HEPHL1: variants seen among roughly 807,000 people sequenced by gnomAD.
HEPHL1 encodes the protein hephaestin like 1, also known as ferroxidase HEPHL1.
In HEPHL1, 123 loss-of-function variants were observed where a neutral mutation model predicts 122.0. The observed-to-expected ratio is 1.01, with a 90% CI of 0.87 to 1.17. The LOEUF is 1.17. HEPHL1 is among the 50% of genes most tolerant of loss of function. The pLI is 0.00. For synonymous variants in HEPHL1, 527 were observed against 508.9 expected (o/e 1.04, Z -0.48); for missense variants, 1,452 against 1,430.5 (o/e 1.01, Z -0.24).
In HEPHL1 at chr11:94,075,244, C is replaced by T. The variant is rs61746203; in HGVS notation, c.1575C>T (p.Ser525=). 7.4e-5 allele frequency: 119 copies of T among 1,613,308 alleles called. No homozygotes were observed. Among genetic ancestry groups the T allele is most frequent in the East Asian group, 8.9e-5 (4 of 44,874 alleles). The change falls in exon 9 of 20, where the codon AGC becomes AGT. Residue 525 remains serine (S), a synonymous_variant. Transcript: ENST00000315765. ...TFTYKWTVPE[S]VSPTAGDPPC... ...CATACAAGTGGACAGTGCCTGAGAG[C>T]GTAAGCCCAACTGCTGGTGATCCTC... is the stretch of plus-strand genomic sequence containing the variant.
At chr11:94,081,495 A>G (rs1946169870) in intron 9 of HEPHL1, among the ~76,000 whole-genome samples, 1 of 152,214 alleles carries the variant, frequency 6.6e-6, no homozygotes, top group African/African-American at 2.4e-5. Flanking sequence ...GGTCAGTTCT[A>G]AAGGAAAGCA....
chr11:94,091,943 C>A (rs1946266042), intron 12 of HEPHL1, among the ~76,000 whole-genome samples: 1 of 152,122 alleles, frequency 6.6e-6, no homozygotes, highest in African/African-American at 2.4e-5. Context: ...CAGGAGGTGG[C>A]AAAAGCAGAC....
rs1591464389 is a variant in HEPHL1 at position 94,039,386 on chromosome 11, A to G, written c.171-6287A>G. ...CCAAGCAGATCTAATTGACATCTAC[A>G]GAACTCTCCACCCCAAATCAACAGA... On this transcript the variant is annotated intron_variant, in intron 1 of 19. Transcript: ENST00000315765. 2.6e-5 allele frequency among the ~76,000 whole-genome samples: 4 copies of G among 152,336 alleles called. No individual in the cohort carries two copies. In the South Asian group the frequency reaches 6.2e-4, roughly 24 times the overall value.
chr11:94,079,796 G>A (rs188951311), intron 9 of HEPHL1, among the ~76,000 whole-genome samples: 4 of 152,276 alleles, frequency 2.6e-5, no homozygotes, highest in East Asian at 3.9e-4. Flanking sequence ...CATAAGGAGA[G>A]AGATATGGTC....
intron 12 of HEPHL1, 118 bp from the exon 13 acceptor site, chr11:94,093,383 C>T (rs1946277862): frequency 1.8e-6 from 2 of 1,111,108 alleles, no homozygotes; most frequent in African/African-American, 3.1e-5. Context: ...CCCCAGGGAG[C>T]ACTTGATCAC....
Position 94,073,011 on chromosome 11 carries a change from CTA to C in HEPHL1, c.1233-12_1233-11del, listed in dbSNP as rs535639562. On this transcript the variant is annotated splice_polypyrimidine_tract_variant and intron_variant, in intron 6 of 19. Coordinates refer to ENST00000315765, the MANE Select transcript of HEPHL1 (RefSeq NM_001098672.2). ...TTGAGAAGTGTCCTCAATCACATTC[CTA>C]TGTCTTTTCAGTGACTCTGATCTCT... 895 of 1,609,920 alleles carry C rather than the reference CTA, an allele frequency of 5.6e-4. 12 individuals carry two copies. The South Asian group carries it at 9.2e-3, about 17-fold the overall frequency.
At chr11:94,030,895 A>G (rs1945668785) in intron 1 of HEPHL1, among the ~76,000 whole-genome samples, 1 of 152,102 alleles carries the variant, frequency 6.6e-6, no homozygotes, top group African/African-American at 2.4e-5. Context: ...ACACAGTCCC[A>G]AGACTTCAGC....
intron 5 of HEPHL1, among the ~76,000 whole-genome samples, chr11:94,069,290 G>T (rs966554339): frequency 6.6e-6 from 1 of 151,998 alleles, no homozygotes; most frequent in African/African-American, 2.4e-5. Context: ...ATAATTGGAG[G>T]TTTTTTAACA....
At chr11:94,046,952 G>A (rs936107006) in intron 2 of HEPHL1, among the ~76,000 whole-genome samples, 10 of 152,170 alleles carry the variant, frequency 6.6e-5, no homozygotes, top group Non-Finnish European at 1.5e-4. Flanking sequence ...TCAAGGAGGA[G>A]TTTCTGGGCA....
At chr11:94,043,776 C>T (rs1162888180) in intron 1 of HEPHL1, among the ~76,000 whole-genome samples, 1 of 151,882 alleles carries the variant, frequency 6.6e-6, no homozygotes, top group Non-Finnish European at 1.5e-5. Flanking sequence ...AAGGAAACTT[C>T]CCCTGACTTA....
intron 4 of HEPHL1, 111 bp from the exon 5 acceptor site, chr11:94,067,385 C>T: frequency 1.0e-6 from 1 of 994,330 alleles, no homozygotes; most frequent in Non-Finnish European, 1.5e-6. Flanking sequence ...AACCTTACAA[C>T]CAATGGTCTG....
chr11:94,058,221 A>G (rs1203228960), intron 2 of HEPHL1, among the ~76,000 whole-genome samples: 1 of 152,210 alleles, frequency 6.6e-6, no homozygotes, highest in African/African-American at 2.4e-5. Context: ...GATGTTCAGC[A>G]GTTTCAAGCA....
Position 94,067,626 on chromosome 11 carries a change from C to A in HEPHL1, c.939C>A (p.Phe313Leu), listed in dbSNP as rs1414339475. The change falls in exon 5 of 20, where the codon TTC becomes TTA. Residue 313 changes from phenylalanine to leucine, a missense_variant. Phe to Leu is a conservative substitution (Grantham distance 22). Coordinates refer to ENST00000315765, the MANE Select transcript of HEPHL1 (RefSeq NM_001098672.2). ...IHSIYFYGNT[F>L]ISRGHRTDVV... ...CTATCTATTTCTATGGTAACACCTT[C>A]ATCAGCAGAGGGCATCGGACTGATG... is the stretch of plus-strand genomic sequence containing the variant. 6.2e-7 allele frequency: 1 copy of A among 1,613,816 alleles called. No homozygotes were observed. Among genetic ancestry groups the A allele is most frequent in the Non-Finnish European group, 8.5e-7 (1 of 1,179,748 alleles).
chr11:94,110,763 C>T (rs150567656), intron 17 of HEPHL1, 140 bp from the exon 18 acceptor site: 9,702 of 625,202 alleles, frequency 0.016, 113 homozygotes, highest in Non-Finnish European at 0.022. Flanking sequence ...CTCTATTGTA[C>T]TTCTATTCTT....
At chr11:94,089,284 A>G (rs80086358) in intron 12 of HEPHL1, among the ~76,000 whole-genome samples, 3,825 of 152,220 alleles carry the variant, frequency 0.025, 162 homozygotes, top group African/African-American at 0.088. Context: ...GGGAAGACAA[A>G]AAGGGCCAGA....
chr11:94,082,532 G>A lies in HEPHL1; in HGVS notation c.1831G>A (p.Glu611Lys). Residue 611 changes from glutamate (E) to lysine (K), a missense_variant, in exon 10 of 20, where the codon GAA becomes AAA. By Grantham distance (56) the Glu-to-Lys change is moderately conservative. Transcript: ENST00000315765. ...FIWHPFSIDK[E>K]DKEFVKSNRM... is the part of the protein sequence containing the mutation. ...CTGGCATCCCTTCAGCATTGACAAA[G>A]AAGATAAAGAGTTTGTGAAATCCAA... 1.9e-6 allele frequency: 3 copies of A among 1,612,868 alleles called. No homozygotes were observed. The highest frequency in any genetic ancestry group is 2.5e-6 in the Non-Finnish European group (3 of 1,179,518).
intron 3 of HEPHL1, among the ~76,000 whole-genome samples, chr11:94,063,946 T>C (rs1946010573): frequency 6.6e-6 from 1 of 152,228 alleles, no homozygotes; most frequent in Non-Finnish European, 1.5e-5. Context: ...TAAAAAATGA[T>C]ATTTCATAAC....
intron 2 of HEPHL1, among the ~76,000 whole-genome samples, chr11:94,051,538 T>TTATTAATCCCAGA (rs1945890455): frequency 1.3e-5 from 2 of 152,100 alleles, no homozygotes; most frequent in South Asian, 2.1e-4. Context: ...TATATTCTGG[T>TTATTAATCCCAGA]TATTAATCCC....
chr11:94,065,112 C>T (rs1404439406), intron 4 of HEPHL1, among the ~76,000 whole-genome samples: 1 of 152,198 alleles, frequency 6.6e-6, no homozygotes, highest in Admixed American at 6.5e-5. Flanking sequence ...GGGGCACTTA[C>T]TCATGCCTGT....
Sources: allele counts gnomAD v4.1 joint callset (sites outside exome capture counted in the v4.1 genomes callset), GRCh38; gene constraint gnomAD v4.1.1; transcripts MANE v1.5; gene names NCBI Gene and HGNC (gene_info 2026-07-23, HGNC 2026-07-21).